FBXW11: variants seen among roughly 807,000 people sequenced by gnomAD.
FBXW11 encodes the protein F-box and WD repeat domain containing 11, also known as F-box/WD repeat-containing protein 11.
Under a neutral mutation model 77.6 loss-of-function variants are expected in FBXW11, and 19 were observed. The ratio of observed to expected loss-of-function variants is 0.24; its 90% CI spans 0.17 to 0.36. The LOEUF (loss-of-function observed/expected upper bound fraction) is 0.36, where lower values mean the gene tolerates loss of function less well. Among genes scored for constraint, FBXW11 ranks in the 10% least tolerant of loss-of-function variants. FBXW11 has a pLI of 1.00. For missense variants in FBXW11, 334 were observed against 704.2 expected (o/e 0.47, Z 5.95); for synonymous variants, 235 against 249.4 (o/e 0.94, Z 0.54).
chr5:171,922,296 A>G (rs1459200970), intron 2 of FBXW11, among the ~76,000 whole-genome samples: 1 of 152,246 alleles, frequency 6.6e-6, no homozygotes, highest in East Asian at 1.9e-4. Context: ...TATTCCGCCA[A>G]TTATTACTTG....
In FBXW11 at chr5:172,002,463, C is replaced by G. The variant is rs138677762; in HGVS notation, c.45+3995G>C. On this transcript the variant is annotated intron_variant, in intron 1 of 13. Coordinates refer to ENST00000517395, the MANE Select transcript of FBXW11 (RefSeq NM_001378974.1). ...GTGTGTGTGGTTTATTCATTTGGAC[C>G]CTATTGAAACCTGTGTCCACTGAGT... Among the ~76,000 whole-genome samples the G allele has an allele frequency of 1.1e-3, 147 of 136,540 alleles. 1 individual carries two copies. The highest frequency in any genetic ancestry group is 1.7e-3 in the Non-Finnish European group (108 of 64,782). The allele number at this position is 136,540 out of a possible 152,430, so 89.6% of individuals were successfully genotyped here.
intron 1 of FBXW11, chr5:171,996,817 G>T: frequency 9.3e-7 from 1 of 1,078,158 alleles, no homozygotes; most frequent in Non-Finnish European, 1.2e-6. Flanking sequence ...AATAAATAAG[G>T]GAAAATATTT....
chr5:171,951,576 G>A (rs115478700), intron 2 of FBXW11, among the ~76,000 whole-genome samples: 2 of 137,524 alleles, frequency 1.5e-5, no homozygotes, highest in South Asian at 2.4e-4. Flanking sequence ...ATTTTTTTTT[G>A]AAAATAAAAA....
At position 171,925,514 on chromosome 5, in the gene FBXW11, C is replaced by A. The variant is rs140139292; in HGVS notation, c.148-11109G>T. ...TATTTTGTTTGAGACAAAGTCTTGTCCTGTCACTCAGGCTATAGTGCAGTG... is the reference window on the plus strand; with the variant it reads ...TATTTTGTTTGAGACAAAGTCTTGTACTGTCACTCAGGCTATAGTGCAGTG... On this transcript the variant is annotated intron_variant, in intron 2 of 13. Coordinates refer to ENST00000517395, the MANE Select transcript of FBXW11 (RefSeq NM_001378974.1). 7.0e-4 allele frequency among the ~76,000 whole-genome samples: 106 copies of A among 152,246 alleles called. 3 individuals are homozygous for A. In the East Asian group the frequency reaches 0.02, roughly 29 times the overall value.
At position 171,952,422 on chromosome 5, in the gene FBXW11, C is replaced by CATATATAT. The variant is rs1198809796; in HGVS notation, c.147+5167_147+5174dup. On this transcript the variant is annotated intron_variant, in intron 2 of 13. Transcript: ENST00000517395. The stretch of plus-strand genomic sequence containing the variant: ...TGTGTGTGTGTGTTGTGTGTACATA[C>CATATATAT]ATATATATATATATATATATATATA... 2.2e-3 allele frequency among the ~76,000 whole-genome samples: 32 copies of CATATATAT among 14,622 alleles called. 2 individuals are homozygous for CATATATAT. The highest frequency in any genetic ancestry group is 3.6e-3 in the Admixed American group (3 of 836). The allele number at this position is 14,622 out of a possible 152,430, so 9.6% of individuals were successfully genotyped here. A position where few individuals can be genotyped will look rare whatever the true frequency, so the allele number is the denominator to read the frequency against.
intron 1 of FBXW11, among the ~76,000 whole-genome samples, chr5:171,997,832 G>A (rs1766153377): frequency 6.6e-6 from 1 of 152,030 alleles, no homozygotes; most frequent in Admixed American, 6.6e-5. Flanking sequence ...GAACAACAAA[G>A]ATAAAAACAA....
chr5:171,988,252 G>T (rs911326316), intron 1 of FBXW11, among the ~76,000 whole-genome samples: 44 of 152,136 alleles, frequency 2.9e-4, no homozygotes, highest in African/African-American at 1.1e-3. Context: ...CAGAGCCTTG[G>T]AGAAATGGCT....
chr5:171,946,831 T>C (rs1362183926), intron 2 of FBXW11, among the ~76,000 whole-genome samples: 2 of 71,170 alleles, frequency 2.8e-5, no homozygotes, highest in African/African-American at 3.8e-5. Context: ...TTTTTTTTTT[T>C]TGATACAGAG....
At chr5:171,976,778 C>T (rs1437851250) in intron 1 of FBXW11, among the ~76,000 whole-genome samples, 1 of 151,840 alleles carries the variant, frequency 6.6e-6, no homozygotes, top group Non-Finnish European at 1.5e-5. Flanking sequence ...CGGGTGTGGT[C>T]GTTCACGCCT....
At chr5:171,996,208 G>A (rs142556675) in intron 1 of FBXW11, among the ~76,000 whole-genome samples, 157 of 152,168 alleles carry the variant, frequency 1.0e-3, no homozygotes, top group African/African-American at 3.5e-3. Flanking sequence ...ACATGAAACC[G>A]CAAAAAATAT....
At chr5:171,923,774 T>C (rs780848564) in intron 2 of FBXW11, among the ~76,000 whole-genome samples, 78 of 152,118 alleles carry the variant, frequency 5.1e-4, no homozygotes, top group Non-Finnish European at 9.1e-4. Flanking sequence ...GAGATGTTTC[T>C]TATAATCAAT....
chr5:171,891,516 T>C lies in FBXW11; in HGVS notation c.803A>G (p.Gln268Arg). ...SENSKGVYCL[Q>R]YDDEKIISGL... The stretch of plus-strand genomic sequence containing the variant: ...ACTGATAATTTTTTCATCATCGTAC[T>C]GTAAACAGTAGACACCTTTACTATT... The change falls in exon 7 of 14, where the codon CAG becomes CGG. Residue 268 changes from glutamine to arginine, a missense_variant. Gln to Arg is a conservative substitution (Grantham distance 43). Coordinates refer to ENST00000517395, the MANE Select transcript of FBXW11 (RefSeq NM_001378974.1). The C allele has an allele frequency of 1.2e-6, 2 of 1,610,314 alleles. No homozygotes were observed. The highest frequency in any genetic ancestry group is 1.7e-6 in the Non-Finnish European group (2 of 1,178,650).
At chr5:171,889,965 T>C (rs990557128) in intron 7 of FBXW11, among the ~76,000 whole-genome samples, 6 of 151,812 alleles carry the variant, frequency 4.0e-5, no homozygotes, top group African/African-American at 1.5e-4. Flanking sequence ...GCAAAACATA[T>C]CTAGCAAAGG....
intron 2 of FBXW11, among the ~76,000 whole-genome samples, chr5:171,918,312 G>A (rs1406568349): frequency 6.6e-6 from 1 of 152,080 alleles, no homozygotes. Flanking sequence ...GGCAAAAATA[G>A]AAAATTCTCT....
intron 1 of FBXW11, among the ~76,000 whole-genome samples, chr5:171,965,555 T>A (rs1394747029): frequency 1.3e-5 from 2 of 150,160 alleles, no homozygotes; most frequent in Non-Finnish European, 3.0e-5. Context: ...AAAAAAGATA[T>A]CAGTACCCAA....
intron 1 of FBXW11, among the ~76,000 whole-genome samples, chr5:171,972,502 TAA>T (rs70982360): frequency 1.9e-4 from 9 of 48,214 alleles, no homozygotes; most frequent in African/African-American, 8.9e-4. Context: ...CTCTGTCTCA[TAA>T]AAAAAAAAAA....
chr5:171,862,774 C>T lies in FBXW11; in HGVS notation c.*1353G>A, dbSNP rs1757166543. 1 of 152,232 alleles carries T rather than the reference C, an allele frequency of 6.6e-6. No individual in the cohort carries two copies. Among genetic ancestry groups the T allele is most frequent in the Admixed American group, 6.5e-5 (1 of 15,276 alleles). 9.4% of individuals were successfully genotyped at this position (152,232 alleles called of 1,614,324 possible). ...TGAGGCTTCACTCCACTTCAGAGCA[C>T]CCACCCCTCAGCATGGGCCTCTGAA... On this transcript the variant is annotated 3_prime_UTR_variant, in exon 14 of 14. Coordinates refer to ENST00000517395, the MANE Select transcript of FBXW11 (RefSeq NM_001378974.1).
chr5:171,991,879 C>G (rs535175592), intron 1 of FBXW11, among the ~76,000 whole-genome samples: 2 of 152,186 alleles, frequency 1.3e-5, no homozygotes, highest in East Asian at 1.9e-4. Flanking sequence ...CTTTGGGAGG[C>G]CGAGGTGGGA....
intron 9 of FBXW11, among the ~76,000 whole-genome samples, chr5:171,875,669 T>A (rs1022450753): frequency 5.3e-5 from 8 of 152,162 alleles, no homozygotes; most frequent in Admixed American, 1.3e-4. Flanking sequence ...AGCTGAGATA[T>A]TGGAATCAGG....
Sources: allele counts gnomAD v4.1 joint callset (sites outside exome capture counted in the v4.1 genomes callset), GRCh38; gene constraint gnomAD v4.1.1; transcripts MANE v1.5; gene names NCBI Gene and HGNC (gene_info 2026-07-23, HGNC 2026-07-21).